AFG2A: variants seen among roughly 807,000 people sequenced by gnomAD.
The protein encoded by AFG2A is AAA ATPase AFG2A.
the AFG2A span, among the ~76,000 whole-genome samples, chr4:123,070,583 T>C: frequency 6.6e-6 from 1 of 152,190 alleles, no homozygotes; most frequent in Non-Finnish European, 1.5e-5. Context: ...GTCTGGGGGC[T>C]TTCTTACAAG....
the AFG2A span, among the ~76,000 whole-genome samples, chr4:123,133,027 G>A: frequency 2.6e-5 from 4 of 152,228 alleles, no homozygotes; most frequent in South Asian, 2.1e-4. Context: ...TGATCCGCCC[G>A]CCTAGGCCTC....
the AFG2A span, among the ~76,000 whole-genome samples, chr4:122,969,684 A>G: frequency 6.6e-6 from 1 of 152,144 alleles, no homozygotes; most frequent in Non-Finnish European, 1.5e-5. Flanking sequence ...GAGATTTGGG[A>G]AGTTAATACC....
At chr4:123,007,426 C>T in the AFG2A span, among the ~76,000 whole-genome samples, 1,137 of 151,360 alleles carry the variant, frequency 7.5e-3, 10 homozygotes, top group Non-Finnish European at 0.013. Context: ...GCCACTTTTC[C>T]GTCACACACA....
At chr4:123,164,686 A>T in the AFG2A span, among the ~76,000 whole-genome samples, 1 of 152,216 alleles carries the variant, frequency 6.6e-6, no homozygotes, top group African/African-American at 2.4e-5. Context: ...TGAAGTCTCT[A>T]TGCCAATACT....
At chr4:123,318,282 C>T in the AFG2A span, 1 of 152,188 alleles carries the variant, frequency 6.6e-6, no homozygotes, top group East Asian at 1.9e-4. Context: ...CTGACACTCT[C>T]ATTACCTGAC....
chr4:123,066,781 A>G, the AFG2A span, among the ~76,000 whole-genome samples: 126,674 of 152,120 alleles, frequency 0.83, 53,907 homozygotes, highest in East Asian at 0.97. Flanking sequence ...ATATAACATA[A>G]TTTCATATTG....
At chr4:122,925,933 C>T in the AFG2A span, among the ~76,000 whole-genome samples, 3 of 151,122 alleles carry the variant, frequency 2.0e-5, no homozygotes, top group African/African-American at 7.4e-5. Flanking sequence ...ATTATCTTTA[C>T]TATCTTGTTA....
At chr4:123,263,775 G>A in the AFG2A span, among the ~76,000 whole-genome samples, 1 of 152,246 alleles carries the variant, frequency 6.6e-6, no homozygotes, top group South Asian at 2.1e-4. Context: ...ATGTAAACTA[G>A]TACAATCACT....
the AFG2A span, among the ~76,000 whole-genome samples, chr4:123,102,932 A>G: frequency 6.6e-6 from 1 of 151,924 alleles, no homozygotes; most frequent in Non-Finnish European, 1.5e-5. Context: ...CATTAAATTC[A>G]TAAAACATGA....
the AFG2A span, among the ~76,000 whole-genome samples, chr4:123,303,441 T>C: frequency 1.5e-4 from 23 of 152,080 alleles, no homozygotes; most frequent in African/African-American, 5.1e-4. Context: ...ACACTGAATA[T>C]ATACTTTAGC....
the AFG2A span, among the ~76,000 whole-genome samples, chr4:122,952,652 T>A: frequency 2.0e-5 from 3 of 152,162 alleles, no homozygotes; most frequent in African/African-American, 7.2e-5. Context: ...GTTTGAAAGC[T>A]GGAAAAAGAC....
chr4:123,174,455 ACT>A, the AFG2A span, among the ~76,000 whole-genome samples: 2 of 152,188 alleles, frequency 1.3e-5, no homozygotes, highest in Admixed American at 6.5e-5. Flanking sequence ...CAGTTAACTG[ACT>A]CTGATGTAGA....
At chr4:123,194,722 T>C in the AFG2A span, among the ~76,000 whole-genome samples, 1 of 152,250 alleles carries the variant, frequency 6.6e-6, no homozygotes, top group African/African-American at 2.4e-5. Context: ...TTTTGAATAC[T>C]TAATTCAGAA....
the AFG2A span, among the ~76,000 whole-genome samples, chr4:123,303,635 C>T: frequency 2.6e-5 from 4 of 152,040 alleles, no homozygotes; most frequent in East Asian, 7.7e-4. Flanking sequence ...GTGGCATACA[C>T]CTGTAGTCTT....
At chr4:123,278,632 C>T in the AFG2A span, among the ~76,000 whole-genome samples, 3 of 152,144 alleles carry the variant, frequency 2.0e-5, no homozygotes, top group East Asian at 3.9e-4. Context: ...AGCGGTGTCC[C>T]AGAGATTCAG....
chr4:123,012,006 T>G, the AFG2A span, among the ~76,000 whole-genome samples: 12 of 68,900 alleles, frequency 1.7e-4, no homozygotes, highest in Admixed American at 5.1e-4. Context: ...GGAGAAGGGG[T>G]GGGTAGAGAC....
the AFG2A span, among the ~76,000 whole-genome samples, chr4:122,997,279 C>A: frequency 6.6e-6 from 1 of 152,150 alleles, no homozygotes; most frequent in Non-Finnish European, 1.5e-5. Context: ...ATTTTCACCA[C>A]CTAAAAAGAA....
the AFG2A span, chr4:123,056,322 C>A: frequency 6.9e-7 from 1 of 1,454,828 alleles, no homozygotes; most frequent in Non-Finnish European, 9.3e-7. Flanking sequence ...TTTTCTACTT[C>A]ATTGGAAGAA....
chr4:122,966,456 A>G, the AFG2A span, among the ~76,000 whole-genome samples: 1 of 152,162 alleles, frequency 6.6e-6, no homozygotes. Flanking sequence ...ATTATTCTAT[A>G]GGGCCTCCTA....
Sources: gnomAD v4.1 joint callset for allele counts (sites outside exome capture counted in the v4.1 genomes callset) on GRCh38, gnomAD v4.1.1 for gene constraint, MANE v1.5 for transcripts, NCBI Gene and HGNC (gene_info 2026-07-23, HGNC 2026-07-21) for gene names.